Variants in SLC24A2 observed in about 807,000 individuals in gnomAD.
SLC24A2 encodes sodium/potassium/calcium exchanger 2.
In SLC24A2, 36 loss-of-function variants were observed where a neutral mutation model predicts 62.0. The observed-to-expected ratio is 0.58, with a 90% confidence interval of 0.44 to 0.77. The LOEUF is 0.77. Ranked by LOEUF, SLC24A2 falls within the 30% of genes least tolerant of loss-of-function variation. The pLI is 0.00. For missense variants in SLC24A2, 846 were observed against 817.9 expected, an observed-to-expected ratio of 1.03 and a Z score of -0.42; for synonymous variants, 358 against 294.0, an observed-to-expected ratio of 1.22 and a Z score of -2.23.
the SLC24A2 span, among the ~76,000 whole-genome samples, chr9:19,794,874 CAA>C: frequency 6.7e-6 from 1 of 149,984 alleles, no homozygotes; most frequent in African/African-American, 2.5e-5. Context: ...CTTTATGACT[CAA>C]AAAAAAAAAA....
chr9:19,915,205 C>A, the SLC24A2 span, among the ~76,000 whole-genome samples: 5 of 151,970 alleles, frequency 3.3e-5, no homozygotes, highest in African/African-American at 1.2e-4. Flanking sequence ...TTTTGTCTGG[C>A]TTCTTTCCTT....
the SLC24A2 span, among the ~76,000 whole-genome samples, chr9:20,227,669 C>T: frequency 6.6e-6 from 1 of 151,958 alleles, no homozygotes; most frequent in Non-Finnish European, 1.5e-5. Context: ...ATCAGCGTGG[C>T]CTTGGGGTAT....
the SLC24A2 span, among the ~76,000 whole-genome samples, chr9:20,139,927 G>A: frequency 6.6e-6 from 1 of 152,214 alleles, no homozygotes; most frequent in South Asian, 2.1e-4. Flanking sequence ...CAGCTAAGGA[G>A]CCCCTTTTGC....
At chr9:20,263,269 G>T in the SLC24A2 span, among the ~76,000 whole-genome samples, 24 of 152,136 alleles carry the variant, frequency 1.6e-4, no homozygotes, top group Non-Finnish European at 1.3e-4. Context: ...GGAGGTGGGG[G>T]TGAGACAGGA....
chr9:19,878,895 C>G, the SLC24A2 span, among the ~76,000 whole-genome samples: 1 of 152,008 alleles, frequency 6.6e-6, no homozygotes, highest in African/African-American at 2.4e-5. Context: ...CAGAAAACCC[C>G]CAATTATGCC....
At chr9:19,833,243 G>A in the SLC24A2 span, among the ~76,000 whole-genome samples, 8 of 152,148 alleles carry the variant, frequency 5.3e-5, no homozygotes, top group Non-Finnish European at 8.8e-5. Context: ...GACAGTGGGT[G>A]CAGTGCACTG....
chr9:20,034,175 A>G, the SLC24A2 span, among the ~76,000 whole-genome samples: 1 of 152,190 alleles, frequency 6.6e-6, no homozygotes, highest in Non-Finnish European at 1.5e-5. Flanking sequence ...TTGATTATCT[A>G]CACGACCCCT....
the SLC24A2 span, among the ~76,000 whole-genome samples, chr9:20,095,668 G>A: frequency 6.6e-6 from 1 of 151,940 alleles, no homozygotes; most frequent in Non-Finnish European, 1.5e-5. Flanking sequence ...AACTGTGTGA[G>A]CCAATTCCTT....
the SLC24A2 span, among the ~76,000 whole-genome samples, chr9:20,268,223 G>A: frequency 1.3e-5 from 2 of 152,158 alleles, no homozygotes; most frequent in African/African-American, 4.8e-5. Flanking sequence ...ACAATAGGGA[G>A]GAGCAGAGGA....
chr9:19,954,902 C>T, the SLC24A2 span, among the ~76,000 whole-genome samples: 1 of 152,150 alleles, frequency 6.6e-6, no homozygotes, highest in Non-Finnish European at 1.5e-5. Flanking sequence ...AATCAGCAAA[C>T]TGACATCTAA....
At chr9:19,850,994 TATATATACAC>T in the SLC24A2 span, among the ~76,000 whole-genome samples, 21 of 48,336 alleles carry the variant, frequency 4.3e-4, 1 homozygote, top group Non-Finnish European at 5.8e-4. Flanking sequence ...TGTATATATA[TATATATACAC>T]ATACATATAT....
the SLC24A2 span, among the ~76,000 whole-genome samples, chr9:19,845,828 C>T: frequency 2.8e-4 from 43 of 151,920 alleles, no homozygotes; most frequent in Admixed American, 2.8e-3. Flanking sequence ...TTATTTCTGC[C>T]TTAATTTTGC....
At chr9:20,055,919 T>C in the SLC24A2 span, among the ~76,000 whole-genome samples, 3 of 151,788 alleles carry the variant, frequency 2.0e-5, no homozygotes, top group African/African-American at 7.2e-5. Context: ...AAAAAATAAA[T>C]AGACATACCA....
rs66653116 is a variant in SLC24A2, at chr9:19,649,001, C to CAAAAAAAAAA, written c.931-26712_931-26703dup. ...AATTTTGTCATGTTTGATTAAAAACCAAAAAAAAAAAAAAAAAACAAAAAA... is the reference window on the plus strand; with the variant it reads ...AATTTTGTCATGTTTGATTAAAAACCAAAAAAAAAAAAAAAAAAAAAAAAAAAACAAAAAA... On this transcript the variant is annotated intron_variant, in intron 2 of 10. Transcript: ENST00000341998. Among the ~76,000 whole-genome samples, 749 of 107,692 alleles carry CAAAAAAAAAA rather than the reference C, an allele frequency of 7.0e-3. 1 individual carries two copies. The highest frequency in any genetic ancestry group is 0.013 in the East Asian group (51 of 3,854). 70.7% of individuals were successfully genotyped at this position (107,692 alleles called of 152,430 possible). A position where few individuals can be genotyped will look rare whatever the true frequency, so the allele number is the denominator to read the frequency against.
At chr9:19,944,396 A>G in the SLC24A2 span, among the ~76,000 whole-genome samples, 19 of 151,772 alleles carry the variant, frequency 1.3e-4, no homozygotes, top group Admixed American at 6.6e-5. Flanking sequence ...TACCCAGGTA[A>G]CAAACCTGCA....
chr9:19,830,576 T>A, the SLC24A2 span, among the ~76,000 whole-genome samples: 1 of 152,136 alleles, frequency 6.6e-6, no homozygotes, highest in African/African-American at 2.4e-5. Context: ...CTGGTATATT[T>A]CAGGGTAGAA....
chr9:20,004,128 C>A, the SLC24A2 span, among the ~76,000 whole-genome samples: 20 of 152,172 alleles, frequency 1.3e-4, no homozygotes, highest in Non-Finnish European at 2.5e-4. Context: ...GGTATAGACA[C>A]AGACCCCTTC....
chr9:19,560,069 C>T (rs1337249582), intron 7 of SLC24A2, among the ~76,000 whole-genome samples: 2 of 152,150 alleles, frequency 1.3e-5, no homozygotes, highest in Non-Finnish European at 2.9e-5. Flanking sequence ...CTGTGAGTCA[C>T]TTCCAAAGCA....
the SLC24A2 span, among the ~76,000 whole-genome samples, chr9:19,984,720 T>G: frequency 2.0e-5 from 3 of 152,182 alleles, no homozygotes; most frequent in East Asian, 3.9e-4. Flanking sequence ...AATAAATAAA[T>G]AAGCCCAAAT....
Sources: allele counts gnomAD v4.1 joint callset (sites outside exome capture counted in the v4.1 genomes callset), GRCh38; gene constraint gnomAD v4.1.1; transcripts MANE v1.5; gene names NCBI Gene and HGNC (gene_info 2026-07-23, HGNC 2026-07-21).